CAV3: variants seen among roughly 807,000 people sequenced by gnomAD.
CAV3 encodes caveolin-3.
CAV3 carries 10 observed loss-of-function variants against 13.4 expected under a neutral mutation model. The ratio of observed to expected loss-of-function variants is 0.75; its 90% CI spans 0.46 to 1.27. The LOEUF (loss-of-function observed/expected upper bound fraction) is 1.27. Ranked by LOEUF, CAV3 falls within the 50% of genes most tolerant of loss-of-function variation. The pLI is 0.00. For missense variants in CAV3, 162 were observed against 194.0 expected, an observed-to-expected ratio of 0.83 and a Z score of 0.98; for synonymous variants, 90 against 79.0, an observed-to-expected ratio of 1.14 and a Z score of -0.74.
In CAV3 at chr3:8,746,207, G is replaced by C. The variant is rs538468291; in HGVS notation, c.*340G>C. The stretch of plus-strand genomic sequence containing the variant: ...TCCCACCCGGGGCCAACCTCTCCAC[G>C]CGCACTCAGGAAAGTGACCAGTGAC... On this transcript the variant is annotated 3_prime_UTR_variant, in exon 2 of 2. Coordinates refer to ENST00000343849, the MANE Select transcript of CAV3 (RefSeq NM_033337.3). 8.7e-6 allele frequency: 2 copies of C among 230,840 alleles called. No homozygotes were observed. Among genetic ancestry groups the C allele is most frequent in the African/African-American group, 4.4e-5 (2 of 45,140 alleles). The allele number at this position is 230,840 out of a possible 1,614,324, so 14.3% of individuals were successfully genotyped here.
At chr3:8,739,115 A>C (rs1174937629) in intron 1 of CAV3, among the ~76,000 whole-genome samples, 2 of 152,170 alleles carry the variant, frequency 1.3e-5, no homozygotes, top group African/African-American at 4.8e-5. Context: ...GCTGCATCAG[A>C]CTAATTCACA....
chr3:8,736,635 G>T lies in CAV3; in HGVS notation c.114+2645G>T, dbSNP rs534508701. ...GCCAGGAGGGAGCCAGCTCCAAGCC[G>T]CAGGCCTGGATTATGACGCAGAGGG... On this transcript the variant is annotated intron_variant, in intron 1 of 1. Transcript: ENST00000343849. Among the ~76,000 whole-genome samples, 5 of 152,230 alleles carry T rather than the reference G, an allele frequency of 3.3e-5. No individual in the cohort carries two copies. In the South Asian group the frequency reaches 1.0e-3, roughly 31 times the overall value.
intron 1 of CAV3, among the ~76,000 whole-genome samples, chr3:8,740,438 G>A (rs1707918107): frequency 6.6e-6 from 1 of 152,122 alleles, no homozygotes; most frequent in South Asian, 2.1e-4. Flanking sequence ...ATTCCAATAT[G>A]CACCAAATTT....
chr3:8,740,089 G>C (rs528393686), intron 1 of CAV3, among the ~76,000 whole-genome samples: 2 of 152,078 alleles, frequency 1.3e-5, no homozygotes, highest in Non-Finnish European at 2.9e-5. Flanking sequence ...TTAGTCTCTC[G>C]AGCAGCATTC....
rs1425576846 is a variant in CAV3 at position 8,744,416 on chromosome 3, C to G, written c.115-1110C>G. ...TCCTCAGCCTCCCAAGTAGCTGGGACTACAGACACCCGCTGCCATACCCGG... is the reference window on the plus strand; with the variant it reads ...TCCTCAGCCTCCCAAGTAGCTGGGAGTACAGACACCCGCTGCCATACCCGG... On this transcript the variant is annotated intron_variant, in intron 1 of 1. Coordinates refer to ENST00000343849, the MANE Select transcript of CAV3 (RefSeq NM_033337.3). 2.0e-5 allele frequency among the ~76,000 whole-genome samples: 3 copies of G among 149,206 alleles called. No homozygotes were observed. In the South Asian group the frequency reaches 6.4e-4, roughly 32 times the overall value.
rs1162958015 is a variant in CAV3 at position 8,745,971 on chromosome 3, G to T, written c.*104G>T. 2.2e-6 allele frequency: 2 copies of T among 903,648 alleles called. No homozygotes were observed. The highest frequency in any genetic ancestry group is 5.1e-5 in the East Asian group (2 of 38,952). 56.0% of individuals were successfully genotyped at this position (903,648 alleles called of 1,614,324 possible). A position where few individuals can be genotyped will look rare whatever the true frequency, so the allele number is the denominator to read the frequency against. ...TGCTGGCGAGCTCTTTCTCTTTAGG[G>T]ACTGCTCCATACCCCATGATGGAGC... On this transcript the variant is annotated 3_prime_UTR_variant, in exon 2 of 2. Transcript: ENST00000343849. The surrounding 1 kb of genome is among the most constrained non-coding windows in gnomAD (Gnocchi z 4.8).
At chr3:8,739,398 A>G (rs1707869373) in intron 1 of CAV3, among the ~76,000 whole-genome samples, 1 of 151,820 alleles carries the variant, frequency 6.6e-6, no homozygotes, top group South Asian at 2.1e-4. Flanking sequence ...GGATCACCTG[A>G]GGTCAGGAGT....
intron 1 of CAV3, among the ~76,000 whole-genome samples, chr3:8,740,392 C>T (rs1036700783): frequency 5.9e-5 from 9 of 152,012 alleles, no homozygotes; most frequent in African/African-American, 2.2e-4. Flanking sequence ...CACAGCCAAG[C>T]CCAGAGCTCC....
intron 1 of CAV3, among the ~76,000 whole-genome samples, chr3:8,739,314 T>C (rs781281464): frequency 7.9e-5 from 12 of 152,102 alleles, no homozygotes; most frequent in Non-Finnish European, 1.5e-4. Flanking sequence ...TGTTTGAGCA[T>C]AAAAGTTTCA....
In CAV3 at chr3:8,745,705, C is replaced by A. The variant is rs200202503; in HGVS notation, c.294C>A (p.Cys98Ter). 4.3e-6 allele frequency: 7 copies of A among 1,614,192 alleles called. No homozygotes were observed. Among genetic ancestry groups the A allele is most frequent in the Non-Finnish European group, 5.9e-6 (7 of 1,180,044 alleles). Residue 98 changes from cysteine to a stop codon, truncating the protein, a stop_gained, in exon 2 of 2, where the codon TGC (cysteine) becomes TGA (stop). Transcript: ENST00000343849. LOFTEE classifies it high-confidence loss of function. This position sits in a 1 kb window ranked among gnomAD's most constrained non-coding sequence, Gnocchi z 4.8. ...TCCTGTTCGCCTGCATCTCCTTCTG[C>A]CACATCTGGGCGGTGGTGCCATGCA... ...WGFLFACISF[C>*]HIWAVVPCIK...
intron 1 of CAV3, among the ~76,000 whole-genome samples, chr3:8,744,482 G>C (rs1421740906): frequency 2.3e-5 from 3 of 131,064 alleles, no homozygotes; most frequent in African/African-American, 8.7e-5. Context: ...ATTTTTAGTA[G>C]AGACAGGGTT....
Position 8,733,889 on chromosome 3 carries a change from G to C in CAV3, c.13G>C (p.Glu5Gln). ...CCCCAGCTCTGCGATGATGGCAGAA[G>C]AGCACACAGATCTCGAGGCCCAGAT... Reference protein sequence around the residue: MMAEEHTDLEAQIVK... With the variant: MMAEQHTDLEAQIVK... Residue 5 changes from glutamate (E) to glutamine (Q), a missense_variant, in exon 1 of 2, where the codon GAG becomes CAG. Glu to Gln is a conservative substitution (Grantham distance 29). Transcript: ENST00000343849. 1 of 1,609,496 alleles carries C rather than the reference G, an allele frequency of 6.2e-7. No individual in the cohort carries two copies. Among genetic ancestry groups the C allele is most frequent in the South Asian group, 1.1e-5 (1 of 90,942 alleles).
intron 1 of CAV3, among the ~76,000 whole-genome samples, chr3:8,740,078 A>G (rs920138502): frequency 6.6e-6 from 1 of 152,120 alleles, no homozygotes; most frequent in East Asian, 1.9e-4. Flanking sequence ...TGGCCTCTCC[A>G]TTAGTCTCTC....
chr3:8,742,554 G>A (rs1478749050), intron 1 of CAV3: 2 of 451,710 alleles, frequency 4.4e-6, no homozygotes, highest in Admixed American at 4.9e-5. Flanking sequence ...AATAATCCGG[G>A]ATGTCAAAAG....
rs77367257 is a variant in CAV3, at chr3:8,746,143, C to T, written c.*276C>T. 6.7e-3 allele frequency: 2,938 copies of T among 436,154 alleles called. 87 individuals are homozygous for T. The highest frequency in any genetic ancestry group is 0.051 in the African/African-American group (2,622 of 51,116). 27.0% of individuals were successfully genotyped at this position (436,154 alleles called of 1,614,324 possible). ...AAGAGGCAGCTACTGCAAGTCTTTGCGTTCACTTGTACTGTAACAACATAA... is the reference window on the plus strand; with the variant it reads ...AAGAGGCAGCTACTGCAAGTCTTTGTGTTCACTTGTACTGTAACAACATAA... On this transcript the variant is annotated 3_prime_UTR_variant, in exon 2 of 2. Transcript: ENST00000343849.
At chr3:8,738,038 TTCTC>T (rs71634725) in intron 1 of CAV3, among the ~76,000 whole-genome samples, 3 of 127,252 alleles carry the variant, frequency 2.4e-5, no homozygotes, top group East Asian at 2.1e-4. Context: ...CTCCTCTGTC[TTCTC>T]TCTCTCTCTC....
Position 8,745,904 on chromosome 3 carries a change from TG to T in CAV3, c.*39del. 6.4e-7 allele frequency: 1 copy of T among 1,567,218 alleles called. No individual in the cohort carries two copies. Among genetic ancestry groups the T allele is most frequent in the Non-Finnish European group, 8.7e-7 (1 of 1,148,486 alleles). On this transcript the variant is annotated 3_prime_UTR_variant, in exon 2 of 2. Transcript: ENST00000343849. This position sits in a 1 kb window ranked among gnomAD's most constrained non-coding sequence, Gnocchi z 4.8. The stretch of plus-strand genomic sequence containing the variant: ...GCAACAGCGGTGGCAGGGCAGGGGG[TG>T]GTGGGCCAGACTGGTCCCCGGGGGA...
intron 1 of CAV3, among the ~76,000 whole-genome samples, 190 bp downstream of exon 1, chr3:8,734,180 T>G (rs1378680612): frequency 2.0e-5 from 3 of 151,270 alleles, no homozygotes; most frequent in Admixed American, 1.3e-4. Context: ...CGAAGGATCT[T>G]TAGCAAAATC....
Position 8,746,231 on chromosome 3 carries a change from A to T in CAV3, c.*364A>T, listed in dbSNP as rs1708160755. 1 of 199,570 alleles carries T rather than the reference A, an allele frequency of 5.0e-6. No individual in the cohort carries two copies. The allele number at this position is 199,570 out of a possible 1,614,324, so 12.4% of individuals were successfully genotyped here. A position where few individuals can be genotyped will look rare whatever the true frequency, so the allele number is the denominator to read the frequency against. ...CGCGCACTCAGGAAAGTGACCAGTG[A>T]CCACTGGCGTTAGGAAGGTGGCTCC... On this transcript the variant is annotated 3_prime_UTR_variant, in exon 2 of 2. Transcript: ENST00000343849.
Sources: allele counts gnomAD v4.1 joint callset (sites outside exome capture counted in the v4.1 genomes callset), GRCh38; gene constraint gnomAD v4.1.1; non-coding constraint Gnocchi (gnomAD v3.1); transcripts MANE v1.5; gene names NCBI Gene and HGNC (gene_info 2026-07-23, HGNC 2026-07-21).